Variants in ZXDC observed in about 807,000 individuals in gnomAD.
The protein encoded by ZXDC is zinc finger protein ZXDC.
Under a neutral mutation model 63.6 loss-of-function variants are expected in ZXDC, and 58 were observed. The observed-to-expected ratio is 0.91, with a 90% confidence interval of 0.74 to 1.13. The LOEUF (loss-of-function observed/expected upper bound fraction) is 1.13. Ranked by LOEUF, ZXDC falls within the 50% of genes most tolerant of loss-of-function variation. The pLI is 0.00. For synonymous variants in ZXDC, 561 were observed against 496.1 expected (o/e 1.13, Z -1.74); for missense variants, 1,133 against 1,148.9 (o/e 0.99, Z 0.20).
At chr3:126,462,974 G>A (rs1453828919) in intron 5 of ZXDC, among the ~76,000 whole-genome samples, 1 of 152,104 alleles carries the variant, frequency 6.6e-6, no homozygotes, top group Non-Finnish European at 1.5e-5. Flanking sequence ...TCCCCAGCAG[G>A]ACTGCAAGCC....
chr3:126,452,940 G>A (rs764683230), intron 7 of ZXDC: 12 of 827,242 alleles, frequency 1.5e-5, no homozygotes, highest in African/African-American at 3.7e-5. Flanking sequence ...GTCTTACCAC[G>A]TTGCCCAGGC....
chr3:126,447,307 T>C (rs907077856), intron 7 of ZXDC, among the ~76,000 whole-genome samples: 2 of 152,234 alleles, frequency 1.3e-5, no homozygotes, highest in African/African-American at 4.8e-5. Context: ...TGAGTGAGCC[T>C]GGCATATTTT....
At chr3:126,460,119 C>T (rs1470298150) in intron 6 of ZXDC, 18 of 985,440 alleles carry the variant, frequency 1.8e-5, no homozygotes, top group Non-Finnish European at 1.9e-5. Context: ...GTTTCACACA[C>T]GTGCATGGCA....
In ZXDC at chr3:126,441,817, G is replaced by A. The variant is rs777616232; in HGVS notation, c.2342C>T (p.Pro781Leu). 23 of 1,613,332 alleles carry A rather than the reference G, an allele frequency of 1.4e-5. No homozygotes were observed. The South Asian group carries it at 2.3e-4, about 16-fold the overall frequency. ...CGCCCCGCACTGCACCCCAGCTGCT[G>A]GAGCTGGTCCTGGCCGTCCTCCGCT... ...VPSGGRPGPA[P>L]AAGVQCGAQG... The change falls in exon 8 of 10, where the codon CCA becomes CTA. Residue 781 changes from proline (P) to leucine (L), a missense_variant. Transcript: ENST00000389709.
chr3:126,446,954 G>C (rs1933905133), intron 7 of ZXDC, among the ~76,000 whole-genome samples: 1 of 152,206 alleles, frequency 6.6e-6, no homozygotes, highest in South Asian at 2.1e-4. Flanking sequence ...AACCCACAAT[G>C]ATCTCTTCCA....
chr3:126,455,820 AC>A, intron 7 of ZXDC, among the ~76,000 whole-genome samples: 2 of 149,100 alleles, frequency 1.3e-5, no homozygotes, highest in African/African-American at 2.5e-5. Flanking sequence ...ATACGGTGAA[AC>A]CCCCGTCTCT....
intron 7 of ZXDC, 101 bp from the exon 8 acceptor site, chr3:126,442,047 T>C (rs948714786): frequency 2.8e-4 from 274 of 985,140 alleles, no homozygotes; most frequent in Admixed American, 1.3e-4. Context: ...TTCCCATTAA[T>C]TGTCATTCTG....
At chr3:126,462,684 G>A (rs1017806749) in intron 5 of ZXDC, among the ~76,000 whole-genome samples, 1 of 152,072 alleles carries the variant, frequency 6.6e-6, no homozygotes, top group Non-Finnish European at 1.5e-5. Context: ...GCTGGCCTGT[G>A]CTCTGAGGAT....
chr3:126,462,005 G>T lies in ZXDC; in HGVS notation c.1657C>A (p.Leu553Ile). The T allele has an allele frequency of 6.2e-7, 1 of 1,614,132 alleles. No individual in the cohort carries two copies. Among genetic ancestry groups the T allele is most frequent in the South Asian group, 1.1e-5 (1 of 91,078 alleles). ...TSVSSSLGGNLPANNSSLGPM... is the reference protein window; with the variant it reads ...TSVSSSLGGNIPANNSSLGPM... ...CCTAGGGAGCTATTATTAGCAGGGA[G>T]GTTCCCTCCCAGAGAGGAGCTCACA... The change falls in exon 6 of 10, where the codon CTC becomes ATC. Residue 553 changes from leucine (L) to isoleucine (I), a missense_variant. By Grantham distance (5) the Leu-to-Ile change is conservative. Transcript: ENST00000389709.
rs531269705 is a variant in ZXDC at position 126,440,580 on chromosome 3, C to T, written c.2395-853G>A. The T allele has an allele frequency of 5.1e-6, 5 of 986,192 alleles. No homozygotes were observed. In the East Asian group the frequency reaches 4.5e-4, roughly 89 times the overall value. 61.1% of individuals were successfully genotyped at this position (986,192 alleles called of 1,614,324 possible). On this transcript the variant is annotated intron_variant, in intron 8 of 9. Transcript: ENST00000389709. ...TATTGCCAAGCCTCTGGTCCTGACT[C>T]TGTACCTCTGCCCTGCCAGCTGAGG... is the stretch of plus-strand genomic sequence containing the variant.
intron 7 of ZXDC, chr3:126,453,797 C>T (rs62264702): frequency 0.014 from 13,440 of 978,860 alleles, 108 homozygotes; most frequent in East Asian, 0.047. Context: ...CGGGTTCAAG[C>T]GATTCTCCTG....
chr3:126,466,415 G>A lies in ZXDC; in HGVS notation c.1271-90C>T. The A allele has an allele frequency of 2.0e-6, 3 of 1,479,908 alleles. No homozygotes were observed. In the South Asian group the frequency reaches 3.5e-5, roughly 17 times the overall value. 91.7% of individuals were successfully genotyped at this position (1,479,908 alleles called of 1,614,324 possible). On this transcript the variant is annotated intron_variant, in intron 4 of 9. Transcript: ENST00000389709. ...CTTCCCCATCAGATCAGAACCACCAGACCTGCATTTTGCACCCTGGCTACT... is the reference window on the plus strand; with the variant it reads ...CTTCCCCATCAGATCAGAACCACCAAACCTGCATTTTGCACCCTGGCTACT...
At chr3:126,469,872 T>G (rs568978436) in intron 4 of ZXDC, among the ~76,000 whole-genome samples, 1 of 152,230 alleles carries the variant, frequency 6.6e-6, no homozygotes, top group African/African-American at 2.4e-5. Flanking sequence ...CACTTGTATA[T>G]ATGTTCATTA....
At chr3:126,464,277 T>C (rs1934665460) in intron 5 of ZXDC, among the ~76,000 whole-genome samples, 1 of 152,218 alleles carries the variant, frequency 6.6e-6, no homozygotes, top group Admixed American at 6.5e-5. Flanking sequence ...ACAGTCATGA[T>C]CACCACAGTT....
intron 6 of ZXDC, chr3:126,460,624 T>C (rs772483287): frequency 9.1e-6 from 9 of 985,252 alleles, no homozygotes; most frequent in Non-Finnish European, 1.1e-5. Context: ...CCCAGTCACC[T>C]GTACACTTAG....
intron 7 of ZXDC, chr3:126,459,385 C>T: frequency 5.1e-6 from 5 of 985,448 alleles, no homozygotes; most frequent in Non-Finnish European, 6.0e-6. Flanking sequence ...ACCTTAGTAG[C>T]CTTCCAGGTA....
intron 7 of ZXDC, among the ~76,000 whole-genome samples, chr3:126,448,058 G>A (rs1299171289): frequency 1.3e-5 from 2 of 151,548 alleles, no homozygotes; most frequent in Admixed American, 1.3e-4. Context: ...ATCCAGAAAG[G>A]TGGGGACACG....
At position 126,453,979 on chromosome 3, in the gene ZXDC, A is replaced by G. The variant is rs148740015; in HGVS notation, c.2212+5674T>C. On this transcript the variant is annotated intron_variant, in intron 7 of 9. Transcript: ENST00000389709. ...TAGTACTGCCTATACATGTATATAT[A>G]TATGTGTACATATAGGCATATATAT... 2.2e-5 allele frequency: 21 copies of G among 944,710 alleles called. No homozygotes were observed. The East Asian group carries it at 7.0e-4, about 31-fold the overall frequency. The allele number at this position is 944,710 out of a possible 1,614,324, so 58.5% of individuals were successfully genotyped here.
At position 126,467,237 on chromosome 3, in the gene ZXDC, G is replaced by T. The variant is rs117503076; in HGVS notation, c.1271-912C>A. Among the ~76,000 whole-genome samples, 743 of 152,296 alleles carry T rather than the reference G, an allele frequency of 4.9e-3. 7 individuals carry two copies. Among genetic ancestry groups the T allele is most frequent in the East Asian group, 0.037 (191 of 5,166 alleles). On this transcript the variant is annotated intron_variant, in intron 4 of 9. Transcript: ENST00000389709. ...CTGCCGCAGGAGCTGCCCAGCCAAG[G>T]CATGGGGGCATGAAGGGCAGCAGTG...
Sources: gnomAD v4.1 joint callset for allele counts (sites outside exome capture counted in the v4.1 genomes callset) on GRCh38, gnomAD v4.1.1 for gene constraint, MANE v1.5 for transcripts, NCBI Gene and HGNC (gene_info 2026-07-23, HGNC 2026-07-21) for gene names.